Variants in SOCS2 observed in about 807,000 individuals in gnomAD.
The protein encoded by SOCS2 is suppressor of cytokine signaling 2.
In SOCS2, 10 loss-of-function variants were observed where a neutral mutation model predicts 18.6. The observed-to-expected ratio is 0.54, with a 90% CI of 0.33 to 0.91. The LOEUF (loss-of-function observed/expected upper bound fraction) is 0.91, where lower values mean the gene tolerates loss of function less well. Among genes scored for constraint, SOCS2 ranks in the 40% least tolerant of loss-of-function variants. The pLI is 0.02. For missense variants in SOCS2, 231 were observed against 247.2 expected (o/e 0.93, Z 0.44); for synonymous variants, 104 against 104.0 (o/e 1.00, Z 0.00).
In SOCS2 at chr12:93,575,457, C is replaced by T. The variant is rs1457585312; in HGVS notation, c.*278C>T. 5.3e-6 allele frequency: 1 copy of T among 188,298 alleles called. No individual in the cohort carries two copies. The highest frequency in any genetic ancestry group is 1.1e-5 in the Non-Finnish European group (1 of 90,752). The allele number at this position is 188,298 out of a possible 1,614,324, so 11.7% of individuals were successfully genotyped here. ...AAATGTCGCATGTAAAGGCTGAAGT[C>T]GCGTTTTATCAGAATGCCTTGCCTT... is the stretch of plus-strand genomic sequence containing the variant. On this transcript the variant is annotated 3_prime_UTR_variant, in exon 2 of 2. Transcript: ENST00000551556.
chr12:93,572,775 A>G lies in SOCS2; in HGVS notation c.-123A>G, dbSNP rs550973552. 489 of 1,243,434 alleles carry G rather than the reference A, an allele frequency of 3.9e-4. 4 individuals are homozygous for G. In the African/African-American group the frequency reaches 6.5e-3, roughly 16 times the overall value. 77.0% of individuals were successfully genotyped at this position (1,243,434 alleles called of 1,614,324 possible). The stretch of plus-strand genomic sequence containing the variant: ...GAGCCCCATCCCTTCTCTCTCTGCC[A>G]CCATTTCGGACACCCCGCAGGGACT... On this transcript the variant is annotated 5_prime_UTR_variant, in exon 1 of 2. Coordinates refer to ENST00000551556, the MANE Select transcript of SOCS2 (RefSeq NM_001270471.2). This position sits in a 1 kb window ranked among gnomAD's most constrained non-coding sequence, Gnocchi z 5.0.
the SOCS2 span, among the ~76,000 whole-genome samples, chr12:93,609,280 T>C: frequency 6.6e-6 from 1 of 151,982 alleles, no homozygotes; most frequent in African/African-American, 2.4e-5. Flanking sequence ...TAATCCCAGC[T>C]ACTCGGGAGG....
rs1166346716 is a variant in SOCS2 at position 93,574,846 on chromosome 12, A to G, written c.264A>G (p.Thr88=). 9.3e-6 allele frequency: 15 copies of G among 1,614,226 alleles called. No homozygotes were observed. The highest frequency in any genetic ancestry group is 3.3e-5 in the Admixed American group (2 of 60,026). ...ACCTACTAACAATATCTGTTAAAAC[A>G]TCAGCTGGACCAACTAATCTTCGAA... ...SDYLLTISVK[T]SAGPTNLRIE... Residue 88 remains threonine, a synonymous_variant, in exon 2 of 2, where the codon ACA becomes ACG. Coordinates refer to ENST00000551556, the MANE Select transcript of SOCS2 (RefSeq NM_001270471.2).
chr12:93,582,250 C>A (rs1954549904), intron 1 of SOCS2, among the ~76,000 whole-genome samples: 1 of 152,072 alleles, frequency 6.6e-6, no homozygotes, highest in Non-Finnish European at 1.5e-5. Flanking sequence ...AGAGATGAGG[C>A]TTCTGGGAGG....
intron 1 of SOCS2, 81 bp downstream of exon 1, chr12:93,573,117 A>T (rs1455875477): frequency 1.3e-6 from 2 of 1,507,110 alleles, no homozygotes; most frequent in African/African-American, 2.8e-5. Context: ...TCGAGGTGGG[A>T]AGCAAAGAAT....
At chr12:93,613,571 CGG>C in the SOCS2 span, among the ~76,000 whole-genome samples, 1 of 152,090 alleles carries the variant, frequency 6.6e-6, no homozygotes, top group Non-Finnish European at 1.5e-5. Context: ...CTCACAGAGA[CGG>C]GCTACTGAGA....
the SOCS2 span, among the ~76,000 whole-genome samples, chr12:93,600,167 A>G: frequency 6.6e-6 from 1 of 152,218 alleles, no homozygotes; most frequent in African/African-American, 2.4e-5. Flanking sequence ...AGATAAAGGT[A>G]TAGATTTAAA....
the SOCS2 span, among the ~76,000 whole-genome samples, chr12:93,620,455 C>T: frequency 1.3e-5 from 2 of 151,708 alleles, no homozygotes; most frequent in South Asian, 2.1e-4. Flanking sequence ...TGCTGTGTTG[C>T]CCCAGGCTGG....
chr12:93,614,621 T>TTCTC, the SOCS2 span, among the ~76,000 whole-genome samples: 4 of 126,270 alleles, frequency 3.2e-5, no homozygotes, highest in African/African-American at 1.2e-4. Context: ...CTTTCTTTCT[T>TTCTC]TCTTTCTTTC....
chr12:93,577,349 C>T (rs572556922), downstream of SOCS2, among the ~76,000 whole-genome samples: 11 of 152,214 alleles, frequency 7.2e-5, no homozygotes, highest in East Asian at 5.8e-4. Flanking sequence ...TGTTTTTTTA[C>T]GATGACTGAC....
chr12:93,612,995 C>G, the SOCS2 span, among the ~76,000 whole-genome samples: 2 of 152,130 alleles, frequency 1.3e-5, no homozygotes, highest in African/African-American at 4.8e-5. Context: ...GAGGAGGAAG[C>G]CCAAGGAAAG....
At chr12:93,577,822 A>G (rs1382784259), downstream of SOCS2, among the ~76,000 whole-genome samples, 2 of 152,174 alleles carry the variant, frequency 1.3e-5, no homozygotes, top group African/African-American at 4.8e-5. Flanking sequence ...TGGCTGATCA[A>G]TGCCAGTTAC....
At chr12:93,620,339 A>C in the SOCS2 span, among the ~76,000 whole-genome samples, 1 of 152,220 alleles carries the variant, frequency 6.6e-6, no homozygotes, top group African/African-American at 2.4e-5. Context: ...TATTGTGGAC[A>C]TTCGGGTGGA....
chr12:93,590,655 G>C, the SOCS2 span, among the ~76,000 whole-genome samples: 1 of 151,248 alleles, frequency 6.6e-6, no homozygotes, highest in Non-Finnish European at 1.5e-5. Context: ...TTAGCTGGGC[G>C]TGGTGGCACG....
downstream of SOCS2, among the ~76,000 whole-genome samples, chr12:93,588,008 C>T (rs932382026): frequency 5.9e-5 from 9 of 152,212 alleles, no homozygotes; most frequent in Non-Finnish European, 1.2e-4. Context: ...GGGACGTGAC[C>T]TGAGATCAGG....
the SOCS2 span, among the ~76,000 whole-genome samples, chr12:93,621,092 G>A: frequency 6.6e-6 from 1 of 152,174 alleles, no homozygotes; most frequent in Admixed American, 6.5e-5. Flanking sequence ...GCGACCAAGA[G>A]CTGAGCATAT....
At chr12:93,584,999 G>A (rs1356957846), downstream of SOCS2, among the ~76,000 whole-genome samples, 2 of 152,124 alleles carry the variant, frequency 1.3e-5, no homozygotes, top group Admixed American at 1.3e-4. Flanking sequence ...CTGACCTCAG[G>A]TGATTCACCT....
the SOCS2 span, among the ~76,000 whole-genome samples, chr12:93,598,468 A>G: frequency 6.6e-6 from 1 of 152,214 alleles, no homozygotes; most frequent in Admixed American, 6.5e-5. Flanking sequence ...GATATAGGGG[A>G]TGGCATAAAA....
At chr12:93,611,615 T>C in the SOCS2 span, among the ~76,000 whole-genome samples, 2 of 152,196 alleles carry the variant, frequency 1.3e-5, no homozygotes, top group Admixed American at 1.3e-4. Context: ...AAGCACCTAA[T>C]TGCTTACCAA....
Sources: gnomAD v4.1 joint callset for allele counts (sites outside exome capture counted in the v4.1 genomes callset) on GRCh38, gnomAD v4.1.1 for gene constraint, Gnocchi (gnomAD v3.1) non-coding constraint, MANE v1.5 for transcripts, NCBI Gene and HGNC (gene_info 2026-07-23, HGNC 2026-07-21) for gene names.